CEP120: variants seen among roughly 807,000 people sequenced by gnomAD.
The protein encoded by CEP120 is centrosomal protein 120, also known as centrosomal protein of 120 kDa.
Under a neutral mutation model 126.5 loss-of-function variants are expected in CEP120, and 113 were observed. The ratio of observed to expected loss-of-function variants is 0.89; its 90% CI spans 0.77 to 1.04. The LOEUF is 1.04. CEP120 is among the 50% of genes least tolerant of loss of function. CEP120 has a pLI of 0.00. For missense variants in CEP120, 1,230 were observed against 1,155.7 expected, an observed-to-expected ratio of 1.06 and a Z score of -0.93; for synonymous variants, 400 against 394.3, an observed-to-expected ratio of 1.01 and a Z score of -0.17.
chr5:123,421,171 C>T (rs560801429), intron 1 of CEP120, among the ~76,000 whole-genome samples: 9 of 152,294 alleles, frequency 5.9e-5, no homozygotes, highest in South Asian at 4.1e-4. Context: ...TTTCAAGATC[C>T]TCTGAGGCCT....
chr5:123,409,055 A>G (rs1282559298), intron 4 of CEP120, among the ~76,000 whole-genome samples: 1 of 152,210 alleles, frequency 6.6e-6, no homozygotes, highest in Non-Finnish European at 1.5e-5. Context: ...AAAGGTTTTT[A>G]GAAAGAAAAA....
At chr5:123,388,784 C>T (rs1358654409) in intron 8 of CEP120, among the ~76,000 whole-genome samples, 178 bp from the exon 9 acceptor site, 1 of 152,062 alleles carries the variant, frequency 6.6e-6, no homozygotes. Context: ...CAAAAATAAC[C>T]CAGGTTTTAA....
intron 4 of CEP120, among the ~76,000 whole-genome samples, chr5:123,404,952 T>A (rs1773541383): frequency 6.6e-6 from 1 of 152,182 alleles, no homozygotes; most frequent in Non-Finnish European, 1.5e-5. Flanking sequence ...CTCATCCAAC[T>A]CCATCATTTT....
At chr5:123,361,615 C>G (rs1284649987) in intron 18 of CEP120, among the ~76,000 whole-genome samples, 1 of 151,804 alleles carries the variant, frequency 6.6e-6, no homozygotes, top group Non-Finnish European at 1.5e-5. Context: ...ACGTCTATCA[C>G]TGCATAACAA....
intron 4 of CEP120, among the ~76,000 whole-genome samples, chr5:123,404,690 C>T (rs1181019744): frequency 6.6e-6 from 1 of 152,142 alleles, no homozygotes; most frequent in Non-Finnish European, 1.5e-5. Context: ...ACTTTTAGGA[C>T]AACTATTTAT....
At chr5:123,410,829 T>C (rs1774011581) in intron 4 of CEP120, among the ~76,000 whole-genome samples, 1 of 152,182 alleles carries the variant, frequency 6.6e-6, no homozygotes, top group Admixed American at 6.5e-5. Flanking sequence ...CAACAACTCA[T>C]AAGCCGGACT....
chr5:123,384,295 T>TC (rs1037258833), intron 11 of CEP120, among the ~76,000 whole-genome samples: 5 of 151,504 alleles, frequency 3.3e-5, no homozygotes, highest in African/African-American at 1.2e-4. Flanking sequence ...GCCTTGTTTC[T>TC]CTTTTTTTTA....
chr5:123,352,375 A>T (rs1769253790), intron 18 of CEP120, among the ~76,000 whole-genome samples: 1 of 151,850 alleles, frequency 6.6e-6, no homozygotes, highest in African/African-American at 2.4e-5. Context: ...AATCTTGAAG[A>T]TATTCTTTTA....
intron 1 of CEP120, among the ~76,000 whole-genome samples, chr5:123,420,340 G>A (rs1048525041): frequency 6.6e-6 from 1 of 152,322 alleles, no homozygotes; most frequent in African/African-American, 2.4e-5. Context: ...AGAGATAACA[G>A]AAATGGTCTT....
chr5:123,361,723 C>T (rs1258353732), intron 18 of CEP120, among the ~76,000 whole-genome samples: 1 of 151,744 alleles, frequency 6.6e-6, no homozygotes, highest in African/African-American at 2.4e-5. Context: ...CCAATTAGGT[C>T]CCCACTGACT....
intron 2 of CEP120, among the ~76,000 whole-genome samples, chr5:123,416,345 G>A (rs947742467): frequency 3.3e-5 from 5 of 151,986 alleles, no homozygotes; most frequent in Admixed American, 2.6e-4. Flanking sequence ...GGCAGATCAC[G>A]AGGTCAGGAA....
chr5:123,349,891 C>A (rs1769087452), intron 19 of CEP120, 53 bp downstream of exon 19: 1 of 1,513,924 alleles, frequency 6.6e-7, no homozygotes, highest in African/African-American at 1.4e-5. Context: ...TCAAGTTGTA[C>A]CTTCCCTGAA....
At chr5:123,413,375 T>C (rs1295590958) in intron 3 of CEP120, among the ~76,000 whole-genome samples, 1 of 152,070 alleles carries the variant, frequency 6.6e-6, no homozygotes, top group African/African-American at 2.4e-5. Context: ...CAAGGCCTAA[T>C]GGAAGAGTGG....
At chr5:123,402,723 A>G (rs1245716873) in intron 4 of CEP120, among the ~76,000 whole-genome samples, 1 of 152,218 alleles carries the variant, frequency 6.6e-6, no homozygotes, top group African/African-American at 2.4e-5. Flanking sequence ...TTCAATGTAT[A>G]TTGATAAATA....
At chr5:123,387,215 T>C (rs1772093090) in intron 9 of CEP120, among the ~76,000 whole-genome samples, 1 of 152,188 alleles carries the variant, frequency 6.6e-6, no homozygotes, top group Non-Finnish European at 1.5e-5. Flanking sequence ...ATAATGTTCA[T>C]TTAAATTTAA....
At chr5:123,420,065 G>T (rs1774623514) in intron 1 of CEP120, among the ~76,000 whole-genome samples, 1 of 152,202 alleles carries the variant, frequency 6.6e-6, no homozygotes, top group African/African-American at 2.4e-5. Context: ...AACCTTGTGA[G>T]TTAAAGCCTG....
chr5:123,386,417 T>C, intron 10 of CEP120, 101 bp downstream of exon 10: 1 of 817,062 alleles, frequency 1.2e-6, no homozygotes, highest in Non-Finnish European at 1.7e-6. Flanking sequence ...ATGCATAAAC[T>C]GCTATGGATT....
chr5:123,365,671 A>T (rs1770405299), intron 17 of CEP120, among the ~76,000 whole-genome samples: 2 of 151,794 alleles, frequency 1.3e-5, no homozygotes, highest in Admixed American at 1.3e-4. Flanking sequence ...CTTAAGTTGA[A>T]TAATACTGCT....
In CEP120 at chr5:123,423,213, A is replaced by G. The variant is rs1340325623; in HGVS notation, c.-215T>C. The G allele has an allele frequency of 7.1e-6, 4 of 566,734 alleles. No homozygotes were observed. Among genetic ancestry groups the G allele is most frequent in the Non-Finnish European group, 1.3e-5 (4 of 316,902 alleles). 35.1% of individuals were successfully genotyped at this position (566,734 alleles called of 1,614,324 possible). On this transcript the variant is annotated 5_prime_UTR_variant, in exon 1 of 20. Transcript: ENST00000306467. ...CAGCCCAGATCCTAACTGTGCCCCG[A>G]CTCAAGGAAAAAGCCACGCTGCAGC...
Sources: gnomAD v4.1 joint callset for allele counts (sites outside exome capture counted in the v4.1 genomes callset) on GRCh38, gnomAD v4.1.1 for gene constraint, MANE v1.5 for transcripts, NCBI Gene and HGNC (gene_info 2026-07-23, HGNC 2026-07-21) for gene names.